Variants in PLCL1 observed in about 807,000 individuals in gnomAD.
PLCL1 encodes phospholipase C like 1 (inactive), also known as inactive phospholipase C-like protein 1.
In PLCL1, 41 loss-of-function variants were observed where a neutral mutation model predicts 84.4. The ratio of observed to expected loss-of-function variants is 0.49; its 90% CI spans 0.38 to 0.63. The LOEUF (loss-of-function observed/expected upper bound fraction) is 0.63, where lower values mean the gene tolerates loss of function less well. Among genes scored for constraint, PLCL1 ranks in the 30% least tolerant of loss-of-function variants. The pLI is 0.00. For synonymous variants in PLCL1, 490 were observed against 488.3 expected (o/e 1.00, Z -0.05); for missense variants, 1,206 against 1,367.8 (o/e 0.88, Z 1.87).
intron 1 of PLCL1, among the ~76,000 whole-genome samples, chr2:198,074,240 C>T (rs1279893506): frequency 6.6e-6 from 1 of 152,134 alleles, no homozygotes; most frequent in Non-Finnish European, 1.5e-5. Flanking sequence ...AAAATTTATG[C>T]TCTGAAGAAA....
intron 1 of PLCL1, among the ~76,000 whole-genome samples, chr2:197,921,999 CTTTTTT>C (rs34033380): frequency 8.2e-6 from 1 of 121,688 alleles, no homozygotes; most frequent in Non-Finnish European, 1.7e-5. Flanking sequence ...TTGATAAATT[CTTTTTT>C]TTTTTTTTTT....
intron 1 of PLCL1, among the ~76,000 whole-genome samples, chr2:198,013,959 C>T (rs1015970907): frequency 1.1e-4 from 17 of 151,976 alleles, no homozygotes; most frequent in Admixed American, 4.6e-4. Flanking sequence ...GTGAACTCTG[C>T]GCTCTTTATG....
chr2:197,987,645 C>T (rs560313440), intron 1 of PLCL1, among the ~76,000 whole-genome samples: 1 of 152,140 alleles, frequency 6.6e-6, no homozygotes, highest in Admixed American at 6.5e-5. Flanking sequence ...GAGACAGAGC[C>T]CTTTTTTGGA....
At chr2:198,012,769 C>A (rs773065244) in intron 1 of PLCL1, among the ~76,000 whole-genome samples, 1 of 150,148 alleles carries the variant, frequency 6.7e-6, no homozygotes, top group African/African-American at 2.4e-5. Context: ...TAAACCTTAA[C>A]GAGTTTGAGT....
chr2:197,893,750 T>C (rs1052935639), intron 1 of PLCL1, among the ~76,000 whole-genome samples: 1 of 149,412 alleles, frequency 6.7e-6, no homozygotes, highest in Admixed American at 6.7e-5. Flanking sequence ...CTACTTACCA[T>C]AGTGTTTATT....
intron 3 of PLCL1, among the ~76,000 whole-genome samples, chr2:198,098,441 A>G (rs1693252794): frequency 6.6e-6 from 1 of 152,200 alleles, no homozygotes; most frequent in South Asian, 2.1e-4. Flanking sequence ...GTTTATTACC[A>G]ACTTGCACTT....
chr2:198,039,592 C>T (rs1691614286), intron 1 of PLCL1, among the ~76,000 whole-genome samples: 1 of 152,144 alleles, frequency 6.6e-6, no homozygotes, highest in South Asian at 2.1e-4. Flanking sequence ...TCTTGAGCCT[C>T]CTTCTTGGAG....
chr2:198,041,033 A>C (rs1691649830), intron 1 of PLCL1, among the ~76,000 whole-genome samples: 1 of 152,154 alleles, frequency 6.6e-6, no homozygotes, highest in Non-Finnish European at 1.5e-5. Context: ...CCAGTTTGAA[A>C]TCTTCTTAGT....
chr2:197,892,818 C>T (rs1688056013), intron 1 of PLCL1, among the ~76,000 whole-genome samples: 1 of 152,048 alleles, frequency 6.6e-6, no homozygotes, highest in African/African-American at 2.4e-5. Flanking sequence ...CATGGTGAAA[C>T]CCTGTCTCTA....
intron 1 of PLCL1, among the ~76,000 whole-genome samples, chr2:198,050,048 G>A (rs1346844638): frequency 1.3e-5 from 2 of 152,184 alleles, no homozygotes; most frequent in African/African-American, 2.4e-5. Flanking sequence ...ACAAGTATGG[G>A]TCTCTGCAGG....
chr2:197,961,783 C>A (rs1689629555), intron 1 of PLCL1, among the ~76,000 whole-genome samples: 1 of 151,886 alleles, frequency 6.6e-6, no homozygotes, highest in Non-Finnish European at 1.5e-5. Flanking sequence ...TTTTGATTTA[C>A]AGGATAGGTG....
At chr2:198,105,952 A>T (rs1222801113) in intron 5 of PLCL1, among the ~76,000 whole-genome samples, 1 of 151,970 alleles carries the variant, frequency 6.6e-6, no homozygotes, top group East Asian at 1.9e-4. Flanking sequence ...TTAGGCAGAC[A>T]ATATATTCTT....
At chr2:197,961,811 T>A (rs1474553699) in intron 1 of PLCL1, among the ~76,000 whole-genome samples, 1 of 151,992 alleles carries the variant, frequency 6.6e-6, no homozygotes, top group East Asian at 1.9e-4. Context: ...TGCTTTCTCC[T>A]GGAACAAAGG....
intron 1 of PLCL1, among the ~76,000 whole-genome samples, chr2:198,065,300 G>A (rs2105880630): frequency 6.6e-6 from 1 of 152,184 alleles, no homozygotes; most frequent in Admixed American, 6.5e-5. Flanking sequence ...GGATGAGTAA[G>A]GCTTTCAACT....
rs149035311 is a variant in PLCL1 at position 198,013,509 on chromosome 2, A to G, written c.241-70249A>G. 3.3e-5 allele frequency among the ~76,000 whole-genome samples: 5 copies of G among 152,216 alleles called. No homozygotes were observed. The East Asian group carries it at 9.6e-4, about 29-fold the overall frequency. On this transcript the variant is annotated intron_variant, in intron 1 of 5. Coordinates refer to ENST00000428675, the MANE Select transcript of PLCL1 (RefSeq NM_006226.4). ...CTTCTTACTCCAAGACTCTGTGTCT[A>G]TGTACCATGCTGATTAATATTATAC...
At chr2:198,057,034 A>G (rs1218181328) in intron 1 of PLCL1, among the ~76,000 whole-genome samples, 1 of 152,172 alleles carries the variant, frequency 6.6e-6, no homozygotes, top group East Asian at 1.9e-4. Flanking sequence ...TGCCCTGGTG[A>G]AAACTCAGGG....
At chr2:197,821,654 G>GT (rs1690818806) in intron 1 of PLCL1, among the ~76,000 whole-genome samples, 1 of 152,106 alleles carries the variant, frequency 6.6e-6, no homozygotes, top group Non-Finnish European at 1.5e-5. Flanking sequence ...TTTTAAGGAA[G>GT]TGACCCATAA....
At chr2:197,988,763 G>A (rs1690272729) in intron 1 of PLCL1, among the ~76,000 whole-genome samples, 1 of 152,100 alleles carries the variant, frequency 6.6e-6, no homozygotes, top group Admixed American at 6.5e-5. Flanking sequence ...TGGATCGGAT[G>A]GTAGATCAAT....
intron 2 of PLCL1, among the ~76,000 whole-genome samples, chr2:198,088,543 G>A (rs2033569): frequency 0.22 from 33,272 of 152,048 alleles, 3,907 homozygotes; most frequent in African/African-American, 0.31. Flanking sequence ...GCACTCCAGT[G>A]TACAACCCCT....
Sources: gnomAD v4.1 joint callset for allele counts (sites outside exome capture counted in the v4.1 genomes callset) on GRCh38, gnomAD v4.1.1 for gene constraint, MANE v1.5 for transcripts, NCBI Gene and HGNC (gene_info 2026-07-23, HGNC 2026-07-21) for gene names.